The following F8 variants were observed in gnomAD, a reference collection of about 807,000 sequenced individuals.
F8 encodes the protein coagulation factor VIII.
Under a neutral mutation model 140.6 loss-of-function variants are expected in F8, and 12 were observed. That is an observed-to-expected ratio of 0.09 (90% CI 0.05 to 0.14). The LOEUF (loss-of-function observed/expected upper bound fraction) is 0.14, where lower values mean the gene tolerates loss of function less well. Among genes scored for constraint, F8 ranks in the 10% least tolerant of loss-of-function variants. The pLI, the probability that F8 is intolerant of heterozygous loss-of-function variation, is 1.00. For synonymous variants in F8, 585 were observed against 614.6 expected (o/e 0.95, Z 0.71); for missense variants, 1,354 against 1,720.7 (o/e 0.79, Z 3.77).
At chrX:154,940,987 G>A (rs4898354) in intron 13 of F8, among the ~76,000 whole-genome samples, 1,359 of 111,625 alleles carry the variant, frequency 0.012, 24 homozygotes, top group African/African-American at 0.041. Context: ...TCACCACCAG[G>A]CCTGACCTAA....
intron 20 of F8, among the ~76,000 whole-genome samples, chrX:154,900,507 G>A (rs1266169420): frequency 8.9e-6 from 1 of 111,933 alleles, no homozygotes; most frequent in African/African-American, 3.2e-5. Flanking sequence ...GTGCTGGGAG[G>A]CATGAGCCAA....
intron 25 of F8, among the ~76,000 whole-genome samples, chrX:154,857,920 C>T (rs2072661823): frequency 8.9e-6 from 1 of 112,450 alleles, no homozygotes; most frequent in Admixed American, 9.4e-5. Flanking sequence ...GGGAGGATCA[C>T]CTGAAGTCAG....
chrX:154,983,083 A>G (rs1304571372), intron 6 of F8, among the ~76,000 whole-genome samples: 1 of 112,095 alleles, frequency 8.9e-6, no homozygotes, highest in Non-Finnish European at 1.9e-5. Flanking sequence ...AGGGTCAACT[A>G]TATTCTCAAC....
chrX:154,901,863 C>T (rs782620730), intron 19 of F8, among the ~76,000 whole-genome samples, 188 bp downstream of exon 19: 2 of 111,149 alleles, frequency 1.8e-5, no homozygotes, highest in Non-Finnish European at 3.8e-5. Context: ...ACAAAGTGTT[C>T]AAAGCTTCAA....
At chrX:154,878,718 G>C (rs1226167511) in intron 22 of F8, among the ~76,000 whole-genome samples, 1 of 111,759 alleles carries the variant, frequency 8.9e-6, no homozygotes, top group Non-Finnish European at 1.9e-5. Flanking sequence ...ATGAACATGA[G>C]CTTATGTATG....
intron 1 of F8, among the ~76,000 whole-genome samples, chrX:155,022,036 T>C (rs141165046): frequency 0.024 from 2,733 of 111,643 alleles, 77 homozygotes; most frequent in African/African-American, 0.084. Context: ...ACATGAAACT[T>C]GTGTGTGATA....
intron 6 of F8, among the ~76,000 whole-genome samples, chrX:154,973,086 C>T (rs2073467395): frequency 9.0e-6 from 1 of 111,699 alleles, no homozygotes; most frequent in African/African-American, 3.3e-5. Context: ...CCAGTTTTCC[C>T]AGCACCATTT....
At chrX:154,910,962 A>C (rs1433409895) in intron 14 of F8, among the ~76,000 whole-genome samples, 1 of 110,776 alleles carries the variant, frequency 9.0e-6, no homozygotes, top group Admixed American at 9.5e-5. Flanking sequence ...TAATGCACCA[A>C]GATGTTTGTA....
At chrX:154,987,164 T>C in intron 5 of F8, 73 bp downstream of exon 5, 1 of 835,515 alleles carries the variant, frequency 1.2e-6, no homozygotes. Context: ...ATGATCTTTC[T>C]ATAATCACCT....
At chrX:154,925,995 C>T in intron 14 of F8, among the ~76,000 whole-genome samples, 1 of 111,889 alleles carries the variant, frequency 8.9e-6, no homozygotes, top group Non-Finnish European at 1.9e-5. Context: ...GTGGGAGGGA[C>T]CTGATAGGAG....
intron 6 of F8, among the ~76,000 whole-genome samples, chrX:154,984,315 G>C (rs1428629855): frequency 8.9e-6 from 1 of 111,914 alleles, no homozygotes; most frequent in East Asian, 2.8e-4. Flanking sequence ...AGAAGTAAGA[G>C]CTTCCGATGA....
intron 8 of F8, 77 bp from the exon 9 acceptor site, chrX:154,966,218 A>G: frequency 9.8e-7 from 1 of 1,022,430 alleles, no homozygotes. Context: ...AAAACAGCTT[A>G]TATGATTCAA....
At chrX:154,915,894 G>C (rs1242068589) in intron 14 of F8, among the ~76,000 whole-genome samples, 3 of 111,925 alleles carry the variant, frequency 2.7e-5, no homozygotes, top group Non-Finnish European at 5.6e-5. Context: ...AGATCTTAGA[G>C]GAAAGGCTTT....
At chrX:154,937,811 A>T (rs2124064141) in intron 13 of F8, among the ~76,000 whole-genome samples, 1 of 111,952 alleles carries the variant, frequency 8.9e-6, no homozygotes, top group African/African-American at 3.2e-5. Context: ...ATGCTCATGG[A>T]CAGGAATACT....
chrX:154,920,102 C>G (rs191269808), intron 14 of F8: 12 of 156,614 alleles, frequency 7.7e-5, no homozygotes, highest in Non-Finnish European at 1.5e-4. Context: ...CACAAACTTT[C>G]TCTCCCAAGT....
chrX:154,944,318 T>A (rs1244212220), intron 13 of F8, among the ~76,000 whole-genome samples: 2 of 108,101 alleles, frequency 1.9e-5, no homozygotes, highest in African/African-American at 6.7e-5. Flanking sequence ...CAAACAAATT[T>A]ACAAGAAAAA....
At position 154,930,582 on chromosome X, in the gene F8, G is replaced by A; in HGVS notation, c.3208C>T (p.Leu1070Phe). ...KVTPLIHDRM[L>F]MDKNATALRL... is the part of the protein sequence containing the mutation. ...AAAGCTGTAGCATTTTTGTCCATAAGCATTCTGTCATGAATCAAAGGTGTC... is the reference window on the plus strand; with the variant it reads ...AAAGCTGTAGCATTTTTGTCCATAAACATTCTGTCATGAATCAAAGGTGTC... Residue 1070 changes from leucine to phenylalanine, a missense_variant, in exon 14 of 26, where the codon CTT (leucine) becomes TTT (phenylalanine). Around this residue, in one of 4 missense-constraint regions of F8, gnomAD observed 658 missense variants for 666.5 expected, o/e 0.99. Coordinates refer to ENST00000360256, the MANE Select transcript of F8 (RefSeq NM_000132.4). The A allele has an allele frequency of 8.3e-7, 1 of 1,210,017 alleles. No homozygotes were observed. Among genetic ancestry groups the A allele is most frequent in the Non-Finnish European group, 1.1e-6 (1 of 893,952 alleles).
chrX:154,956,881 C>A lies in F8; in HGVS notation c.1752+76G>T. ...TTCTTTTACTGACCTATATTGCAAA[C>A]CATTATATTTTCTTCAGGTTATAAG... On this transcript the variant is annotated intron_variant, in intron 11 of 25. Transcript: ENST00000360256. 4 of 880,530 alleles carry A rather than the reference C, an allele frequency of 4.5e-6. No individual in the cohort carries two copies. The South Asian group carries it at 8.0e-5, about 18-fold the overall frequency. 72.6% of individuals were successfully genotyped at this position (880,530 alleles called of 1,213,427 possible).
intron 4 of F8, among the ~76,000 whole-genome samples, chrX:154,991,208 C>T (rs1557284637): frequency 8.9e-6 from 1 of 112,129 alleles, no homozygotes. Flanking sequence ...GGGATTTCCC[C>T]TCCCACGCTC....
Sources: allele counts gnomAD v4.1 joint callset (sites outside exome capture counted in the v4.1 genomes callset), GRCh38; gene constraint gnomAD v4.1.1; regional missense constraint gnomAD v4.1.1; transcripts MANE v1.5; gene names NCBI Gene and HGNC (gene_info 2026-07-23, HGNC 2026-07-21).